DNAH8: variants seen among roughly 807,000 people sequenced by gnomAD.
DNAH8 encodes dynein axonemal heavy chain 8.
DNAH8 carries 382 observed loss-of-function variants against 562.1 expected under a neutral mutation model. The ratio of observed to expected loss-of-function variants is 0.68; its 90% CI spans 0.63 to 0.74. The LOEUF (loss-of-function observed/expected upper bound fraction) is 0.74. Among genes scored for constraint, DNAH8 ranks in the 30% least tolerant of loss-of-function variants. The probability of loss-of-function intolerance (pLI) is 0.00; values close to 1 mark genes in which losing one functional copy is unlikely to be tolerated. For missense variants in DNAH8, 5,203 were observed against 5,620.4 expected (o/e 0.93, Z 2.37); for synonymous variants, 1,881 against 1,919.4 (o/e 0.98, Z 0.52).
At chr6:38,780,867 T>G (rs927922803) in intron 15 of DNAH8, among the ~76,000 whole-genome samples, 1 of 152,156 alleles carries the variant, frequency 6.6e-6, no homozygotes, top group African/African-American at 2.4e-5. Flanking sequence ...AACTATCATA[T>G]TGCCCCCGTT....
intron 56 of DNAH8, among the ~76,000 whole-genome samples, chr6:38,886,122 T>A (rs1207379016): frequency 6.6e-6 from 1 of 152,124 alleles, no homozygotes; most frequent in Non-Finnish European, 1.5e-5. Flanking sequence ...CTTTAGAATA[T>A]AGGGTTGAGA....
At chr6:38,789,954 G>T (rs1478003922) in intron 19 of DNAH8, 71 bp downstream of exon 19, 1 of 1,204,620 alleles carries the variant, frequency 8.3e-7, no homozygotes, top group Non-Finnish European at 1.2e-6. Context: ...ATAAACTATG[G>T]ATTTTGGAAC....
chr6:38,991,501 A>T (rs969719491), intron 88 of DNAH8, among the ~76,000 whole-genome samples: 1 of 152,200 alleles, frequency 6.6e-6, no homozygotes, highest in Non-Finnish European at 1.5e-5. Flanking sequence ...TTTAGCTGAG[A>T]CTTTAAAAAT....
intron 29 of DNAH8, among the ~76,000 whole-genome samples, chr6:38,827,846 C>T (rs1362849316): frequency 1.5e-5 from 2 of 136,386 alleles, no homozygotes; most frequent in African/African-American, 2.7e-5. Flanking sequence ...TCTCCCACAT[C>T]ATTTCATTCT....
intron 72 of DNAH8, 65 bp from the exon 73 acceptor site, chr6:38,923,926 A>G (rs1308858291): frequency 4.5e-6 from 7 of 1,542,968 alleles, no homozygotes; most frequent in Non-Finnish European, 6.2e-6. Flanking sequence ...CAAAACTGTG[A>G]CCTCTCAAAC....
intron 66 of DNAH8, 71 bp downstream of exon 66, chr6:38,911,657 T>C: frequency 9.5e-7 from 1 of 1,057,438 alleles, no homozygotes; most frequent in South Asian, 1.4e-5. Flanking sequence ...AATATTTTGT[T>C]TGGTGGACAT....
chr6:38,764,721 A>G (rs904136795), intron 11 of DNAH8: 2 of 152,206 alleles, frequency 1.3e-5, no homozygotes, highest in African/African-American at 2.4e-5. Flanking sequence ...TTTGTTGTGT[A>G]TGCATTTAAA....
intron 58 of DNAH8, 108 bp from the exon 59 acceptor site, chr6:38,894,593 C>T: frequency 1.1e-6 from 1 of 892,690 alleles, no homozygotes; most frequent in African/African-American, 1.7e-5. Flanking sequence ...GATTTATTTA[C>T]TCAGCAGATT....
intron 32 of DNAH8, among the ~76,000 whole-genome samples, chr6:38,836,516 CAA>C (rs35716203): frequency 7.7e-5 from 10 of 129,288 alleles, no homozygotes; most frequent in Non-Finnish European, 6.5e-5. Flanking sequence ...AAAACCATCT[CAA>C]AAAAAAAAAA....
chr6:39,027,150 G>A (rs1767352930), intron 92 of DNAH8, among the ~76,000 whole-genome samples: 1 of 152,204 alleles, frequency 6.6e-6, no homozygotes, highest in African/African-American at 2.4e-5. Context: ...TGGGAGGATT[G>A]CTTGAGCCCC....
Position 38,990,135 on chromosome 6 carries a change from C to T in DNAH8, c.13177C>T (p.Pro4393Ser), listed in dbSNP as rs756772987. The T allele has an allele frequency of 6.2e-7, 1 of 1,612,110 alleles. No homozygotes were observed. The highest frequency in any genetic ancestry group is 1.7e-5 in the Admixed American group (1 of 59,898). The change falls in exon 88 of 93, where the codon CCT (proline) becomes TCT (serine). Residue 4393 changes from proline to serine, a missense_variant. Physicochemically the swap from Pro to Ser is moderately conservative, Grantham distance 74 (BLOSUM62 -1). Transcript: ENST00000327475. ...YIQSLPSLDN[P>S]EVFGLHPNAD... The stretch of plus-strand genomic sequence containing the variant: ...CCAGTCACTGCCATCCCTAGATAAC[C>T]CTGAAGTCTTTGGGCTTCACCCTAA...
chr6:38,768,733 C>G (rs930094234), intron 11 of DNAH8, among the ~76,000 whole-genome samples: 3 of 152,044 alleles, frequency 2.0e-5, no homozygotes, highest in Non-Finnish European at 4.4e-5. Context: ...TATAAGATGT[C>G]TCCTTATTTA....
intron 3 of DNAH8, among the ~76,000 whole-genome samples, chr6:38,725,447 A>G (rs1763140413): frequency 6.6e-6 from 1 of 152,144 alleles, no homozygotes; most frequent in Admixed American, 6.5e-5. Flanking sequence ...GTTCTCTGAC[A>G]GTATGAATGG....
chr6:38,795,110 A>G (rs1294919740), intron 21 of DNAH8, among the ~76,000 whole-genome samples: 1 of 152,232 alleles, frequency 6.6e-6, no homozygotes, highest in Non-Finnish European at 1.5e-5. Context: ...GTGATAAAAT[A>G]TACTAACATA....
intron 80 of DNAH8, among the ~76,000 whole-genome samples, chr6:38,946,714 G>A (rs964425830): frequency 2.6e-5 from 4 of 152,140 alleles, no homozygotes; most frequent in African/African-American, 9.7e-5. Context: ...GGAGGCTGAG[G>A]CAGGAGAATC....
Position 38,731,663 on chromosome 6 carries a change from T to G in DNAH8, c.610+1677T>G, listed in dbSNP as rs113419798. ...TATTTTTAATCATTATTTTTGCTAC[T>G]TACAAAAGTACATTTATCAGTTTGG... On this transcript the variant is annotated intron_variant, in intron 4 of 92. Coordinates refer to ENST00000327475, the MANE Select transcript of DNAH8 (RefSeq NM_001206927.2). 3.3e-3 allele frequency among the ~76,000 whole-genome samples: 496 copies of G among 152,350 alleles called. 8 individuals carry two copies. The highest frequency in any genetic ancestry group is 0.012 in the African/African-American group (482 of 41,580).
At chr6:38,959,977 C>T (rs1226541080) in intron 82 of DNAH8, among the ~76,000 whole-genome samples, 1 of 152,072 alleles carries the variant, frequency 6.6e-6, no homozygotes. Flanking sequence ...TTACAACCAA[C>T]TTATCTTCAA....
At chr6:38,917,114 T>A in intron 68 of DNAH8, 125 bp from the exon 69 acceptor site, 1 of 652,254 alleles carries the variant, frequency 1.5e-6, no homozygotes, top group Non-Finnish European at 2.3e-6. Flanking sequence ...TAAGCAAAAA[T>A]CTTGGAAATG....
intron 21 of DNAH8, among the ~76,000 whole-genome samples, chr6:38,800,033 C>CT (rs1770634826): frequency 1.3e-5 from 2 of 152,302 alleles, no homozygotes; most frequent in African/African-American, 4.8e-5. Flanking sequence ...ACTGCAGCCT[C>CT]TAATTCCAAG....
Sources: allele counts gnomAD v4.1 joint callset (sites outside exome capture counted in the v4.1 genomes callset), GRCh38; gene constraint gnomAD v4.1.1; transcripts MANE v1.5; gene names NCBI Gene and HGNC (gene_info 2026-07-23, HGNC 2026-07-21).